The following COBL variants were observed in gnomAD, a reference collection of about 807,000 sequenced individuals.
COBL encodes protein cordon-bleu.
In COBL, 51 loss-of-function variants were observed where a neutral mutation model predicts 98.8. That is an observed-to-expected ratio of 0.52 (90% CI 0.41 to 0.65). The LOEUF (loss-of-function observed/expected upper bound fraction) is 0.65. Among genes scored for constraint, COBL ranks in the 30% least tolerant of loss-of-function variants. The pLI is 0.00. For synonymous variants in COBL, 634 were observed against 651.7 expected (o/e 0.97, Z 0.41); for missense variants, 1,617 against 1,617.5 (o/e 1.00, Z 0.01).
chr7:51,257,064 G>C (rs1337783629), intron 1 of COBL, among the ~76,000 whole-genome samples: 3 of 152,166 alleles, frequency 2.0e-5, no homozygotes, highest in Admixed American at 6.5e-5. Context: ...CTGCATTCCA[G>C]AGTAGCAAGA....
intron 5 of COBL, among the ~76,000 whole-genome samples, chr7:51,145,727 C>G (rs1190721314): frequency 1.3e-5 from 2 of 152,228 alleles, no homozygotes; most frequent in East Asian, 3.9e-4. Flanking sequence ...GTGCTTTCCA[C>G]AGTGGCTGTA....
At chr7:51,284,482 A>C (rs192693944) in intron 1 of COBL, among the ~76,000 whole-genome samples, 47 of 152,014 alleles carry the variant, frequency 3.1e-4, no homozygotes, top group Non-Finnish European at 5.9e-4. Context: ...TTCAGTATCA[A>C]CAAGTCTCAG....
intron 5 of COBL, among the ~76,000 whole-genome samples, chr7:51,147,952 C>T (rs913178110): frequency 1.3e-5 from 2 of 151,684 alleles, no homozygotes; most frequent in African/African-American, 4.8e-5. Context: ...TTAGTATAGA[C>T]GGGGTTTTAC....
chr7:51,098,892 G>A (rs994434424), intron 6 of COBL, among the ~76,000 whole-genome samples: 5 of 152,034 alleles, frequency 3.3e-5, no homozygotes, highest in African/African-American at 1.2e-4. Context: ...ACTATATAAA[G>A]AGCATCAAGT....
chr7:51,036,336 CAAAAAAAA>C (rs59610375), intron 8 of COBL, among the ~76,000 whole-genome samples: 6 of 94,210 alleles, frequency 6.4e-5, no homozygotes, highest in Admixed American at 3.8e-4. Context: ...GACTCCGTCT[CAAAAAAAA>C]AAAAAAAAAA....
intron 1 of COBL, among the ~76,000 whole-genome samples, chr7:51,276,587 C>T (rs1308102036): frequency 6.6e-6 from 1 of 152,182 alleles, no homozygotes; most frequent in Non-Finnish European, 1.5e-5. Context: ...CACCTCCAAC[C>T]CGCCAGGGAC....
At position 51,039,829 on chromosome 7, in the gene COBL, C is replaced by G. The variant is rs2128884124; in HGVS notation, c.1406+3554G>C. Among the ~76,000 whole-genome samples, 3 of 152,328 alleles carry G rather than the reference C, an allele frequency of 2.0e-5. No homozygotes were observed. In the East Asian group the frequency reaches 5.8e-4, roughly 29 times the overall value. The stretch of plus-strand genomic sequence containing the variant: ...CCTGAGTGCCTGAATTGGTTGCCAA[C>G]ATTTACAATTTGAGAGACATCACAT... On this transcript the variant is annotated intron_variant, in intron 8 of 12. Transcript: ENST00000265136.
At chr7:51,130,561 T>C (rs905436425) in intron 6 of COBL, among the ~76,000 whole-genome samples, 3 of 152,140 alleles carry the variant, frequency 2.0e-5, no homozygotes, top group African/African-American at 7.2e-5. Flanking sequence ...ATATCAGGCC[T>C]AAATGCAGAG....
intron 1 of COBL, among the ~76,000 whole-genome samples, chr7:51,233,966 G>C (rs1223252374): frequency 2.0e-5 from 3 of 152,138 alleles, no homozygotes; most frequent in African/African-American, 7.2e-5. Flanking sequence ...AAGTTTCACT[G>C]CTTAAAATAA....
intron 1 of COBL, among the ~76,000 whole-genome samples, chr7:51,294,595 A>G (rs1164325604): frequency 6.8e-6 from 1 of 147,056 alleles, no homozygotes; most frequent in Non-Finnish European, 1.5e-5. Context: ...GTGAGCTGAG[A>G]TCGCACCATT....
At chr7:51,077,205 T>C (rs1793177472) in intron 7 of COBL, among the ~76,000 whole-genome samples, 1 of 152,332 alleles carries the variant, frequency 6.6e-6, no homozygotes, top group South Asian at 2.1e-4. Context: ...TGAAGTTTAA[T>C]GCAAAATCTT....
chr7:51,253,119 G>A (rs1796879579), intron 1 of COBL, among the ~76,000 whole-genome samples: 1 of 152,088 alleles, frequency 6.6e-6, no homozygotes, highest in Non-Finnish European at 1.5e-5. Flanking sequence ...AGCTACTCAA[G>A]AGGCTGAGGC....
chr7:51,298,310 C>T (rs1801608033), intron 1 of COBL, among the ~76,000 whole-genome samples: 2 of 152,240 alleles, frequency 1.3e-5, no homozygotes, highest in Non-Finnish European at 1.5e-5. Context: ...TGCTAAGCTG[C>T]TAAGATTAGG....
chr7:51,158,354 C>T (rs995010223), intron 5 of COBL, among the ~76,000 whole-genome samples: 1 of 152,212 alleles, frequency 6.6e-6, no homozygotes, highest in African/African-American at 2.4e-5. Flanking sequence ...TGGACCCAAA[C>T]CTACCGGATG....
chr7:51,058,881 A>G (rs558633868), intron 7 of COBL, among the ~76,000 whole-genome samples: 21 of 152,314 alleles, frequency 1.4e-4, no homozygotes, highest in East Asian at 7.7e-4. Context: ...GTTCAGCGTC[A>G]TCTTATTATC....
chr7:51,215,136 C>T (rs1053543671), intron 2 of COBL, among the ~76,000 whole-genome samples: 1 of 152,126 alleles, frequency 6.6e-6, no homozygotes, highest in Non-Finnish European at 1.5e-5. Context: ...GATCTCACAC[C>T]ATGAGACCTC....
chr7:51,239,187 T>TAG (rs1795544586), intron 1 of COBL, among the ~76,000 whole-genome samples: 1 of 152,114 alleles, frequency 6.6e-6, no homozygotes, highest in Non-Finnish European at 1.5e-5. Flanking sequence ...CTGGGTAAAA[T>TAG]TAGGCTGAGA....
At chr7:51,316,167 A>G (rs966874152) in intron 1 of COBL, among the ~76,000 whole-genome samples, 1 of 151,816 alleles carries the variant, frequency 6.6e-6, no homozygotes, top group Admixed American at 6.5e-5. Flanking sequence ...CTTGATGGGA[A>G]CCGGCCAGGG....
At chr7:51,292,674 G>A (rs1403773906) in intron 1 of COBL, among the ~76,000 whole-genome samples, 1 of 152,220 alleles carries the variant, frequency 6.6e-6, no homozygotes, top group Non-Finnish European at 1.5e-5. Context: ...ACTCCCCTGT[G>A]TGGAGGGTCC....
Sources: allele counts gnomAD v4.1 joint callset (sites outside exome capture counted in the v4.1 genomes callset), GRCh38; gene constraint gnomAD v4.1.1; transcripts MANE v1.5; gene names NCBI Gene and HGNC (gene_info 2026-07-23, HGNC 2026-07-21).